Variants in ANXA5 observed in about 807,000 individuals in gnomAD.
ANXA5 encodes the protein annexin A5, also known as CBP-I.
A neutral mutation model predicts 48.1 loss-of-function variants in ANXA5; 40 were observed. The observed-to-expected ratio is 0.83, with a 90% confidence interval of 0.65 to 1.08. The LOEUF (loss-of-function observed/expected upper bound fraction) is 1.08, where lower values mean the gene tolerates loss of function less well. ANXA5 is among the 50% of genes least tolerant of loss of function. The pLI, the probability that ANXA5 is intolerant of heterozygous loss-of-function variation, is 0.00. For missense variants in ANXA5, 357 were observed against 376.8 expected (o/e 0.95, Z 0.44); for synonymous variants, 113 against 129.1 (o/e 0.88, Z 0.85).
chr4:121,686,350 T>C lies in ANXA5; in HGVS notation c.32A>G (p.Asp11Gly), dbSNP rs1724889914. The C allele has an allele frequency of 6.2e-7, 1 of 1,613,948 alleles. No homozygotes were observed. The highest frequency in any genetic ancestry group is 1.7e-5 in the Admixed American group (1 of 59,986). Residue 11 changes from aspartate (D) to glycine (G), a missense_variant, in exon 3 of 13, where the codon GAC becomes GGC. Asp to Gly is a moderately conservative substitution (Grantham distance 94, BLOSUM62 -1). Coordinates refer to ENST00000296511, the MANE Select transcript of ANXA5 (RefSeq NM_001154.4). ...AGCCCGCTCATCAAATCCAGGGAAG[T>C]CAGTCACAGTGCCTCTGAGAACCTA... MAQVLRGTVT[D>G]FPGFDERADA...
chr4:121,687,915 A>G (rs1281089963), intron 2 of ANXA5, among the ~76,000 whole-genome samples: 1 of 152,140 alleles, frequency 6.6e-6, no homozygotes, highest in Non-Finnish European at 1.5e-5. Context: ...GGATACCCCT[A>G]CTTTTGGTAT....
chr4:121,682,798 T>G (rs918472906), intron 5 of ANXA5, among the ~76,000 whole-genome samples: 2 of 152,146 alleles, frequency 1.3e-5, no homozygotes, highest in African/African-American at 2.4e-5. Flanking sequence ...AACAAATGTG[T>G]CAATGCCTTC....
At chr4:121,671,299 C>T (rs995333734) in intron 10 of ANXA5, among the ~76,000 whole-genome samples, 1 of 152,130 alleles carries the variant, frequency 6.6e-6, no homozygotes, top group Non-Finnish European at 1.5e-5. Flanking sequence ...ATTTTTAATG[C>T]AGCTTCAAAA....
intron 8 of ANXA5, among the ~76,000 whole-genome samples, chr4:121,674,971 G>T (rs60379064): frequency 8.5e-5 from 13 of 152,140 alleles, no homozygotes; most frequent in Non-Finnish European, 1.9e-4. Context: ...CAGCCTCAGT[G>T]TATATAGTCA....
chr4:121,672,695 GT>G, intron 8 of ANXA5, 69 bp from the exon 9 acceptor site: 1 of 1,103,250 alleles, frequency 9.1e-7, no homozygotes, highest in Non-Finnish European at 1.4e-6. Flanking sequence ...AAACACACTT[GT>G]TTTTTACTCC....
Position 121,669,154 on chromosome 4 carries a change from G to T in ANXA5, c.903+448C>A, listed in dbSNP as rs549562919. ...ACAAAAATGATACTAATACCTAGGG[G>T]CTCTTTACTCCCAATATGACCTGGT... On this transcript the variant is annotated intron_variant, in intron 12 of 12. Transcript: ENST00000296511. 1.7e-4 allele frequency among the ~76,000 whole-genome samples: 26 copies of T among 152,098 alleles called. No homozygotes were observed. In the South Asian group the frequency reaches 2.9e-3, roughly 17 times the overall value.
intron 2 of ANXA5, among the ~76,000 whole-genome samples, chr4:121,693,160 GGAAGCA>G (rs1339555540): frequency 2.0e-5 from 3 of 152,010 alleles, no homozygotes; most frequent in Non-Finnish European, 2.9e-5. Context: ...GTTGAACCCA[GGAAGCA>G]GAGGTTGCAG....
At position 121,696,679 on chromosome 4, in the gene ANXA5, C is replaced by T. The variant is rs1040976316; in HGVS notation, c.-35-55G>A. On this transcript the variant is annotated intron_variant, in intron 1 of 12. Coordinates refer to ENST00000296511, the MANE Select transcript of ANXA5 (RefSeq NM_001154.4). The stretch of plus-strand genomic sequence containing the variant: ...CGCGCCATTTGCAACTCGTGCCCTC[C>T]CCAAGCGCAGGTCCGCGGGGACCCG... 15 of 1,213,342 alleles carry T rather than the reference C, an allele frequency of 1.2e-5. No homozygotes were observed. In the South Asian group the frequency reaches 4.2e-4, roughly 34 times the overall value. 75.2% of individuals were successfully genotyped at this position (1,213,342 alleles called of 1,614,324 possible).
intron 2 of ANXA5, among the ~76,000 whole-genome samples, chr4:121,688,815 T>C (rs1724935000): frequency 6.6e-6 from 1 of 152,128 alleles, no homozygotes; most frequent in South Asian, 2.1e-4. Context: ...TGGCAGCAGC[T>C]TTCACTCCCT....
chr4:121,669,589 A>G lies in ANXA5; in HGVS notation c.903+13T>C. ...TGGATTCCCAAACGTAATTTAAAGAAAGGTTCTACTACCTTAATCATGGAA... is the reference window on the plus strand; with the variant it reads ...TGGATTCCCAAACGTAATTTAAAGAGAGGTTCTACTACCTTAATCATGGAA... On this transcript the variant is annotated intron_variant, in intron 12 of 12. Transcript: ENST00000296511. The G allele has an allele frequency of 6.2e-7, 1 of 1,613,174 alleles. No individual in the cohort carries two copies. Among genetic ancestry groups the G allele is most frequent in the Non-Finnish European group, 8.5e-7 (1 of 1,179,528 alleles).
In ANXA5 at chr4:121,684,602, A is replaced by G. The variant is rs894472681; in HGVS notation, c.189+75T>C. 5 of 1,208,622 alleles carry G rather than the reference A, an allele frequency of 4.1e-6. No individual in the cohort carries two copies. In the African/African-American group the frequency reaches 7.6e-5, roughly 18 times the overall value. The allele number at this position is 1,208,622 out of a possible 1,614,324, so 74.9% of individuals were successfully genotyped here. ...AAATAAATGATGCTTACAAAAGAAT[A>G]TCAGTATATTCCAAACTAGTCTTAT... is the stretch of plus-strand genomic sequence containing the variant. On this transcript the variant is annotated intron_variant, in intron 4 of 12. Coordinates refer to ENST00000296511, the MANE Select transcript of ANXA5 (RefSeq NM_001154.4).
At chr4:121,677,857 C>G (rs1386381289) in intron 8 of ANXA5, 37 bp downstream of exon 8, 10 of 1,532,692 alleles carry the variant, frequency 6.5e-6, no homozygotes, top group Non-Finnish European at 9.0e-6. Flanking sequence ...TTCATTTCTA[C>G]AGCATAATAA....
At position 121,681,771 on chromosome 4, in the gene ANXA5, G is replaced by T. The variant is rs754024993; in HGVS notation, c.304-10C>A. 5 of 1,584,248 alleles carry T rather than the reference G, an allele frequency of 3.2e-6. No homozygotes were observed. The Admixed American group carries it at 6.7e-5, about 21-fold the overall frequency. On this transcript the variant is annotated splice_polypyrimidine_tract_variant and intron_variant, in intron 5 of 12. Coordinates refer to ENST00000296511, the MANE Select transcript of ANXA5 (RefSeq NM_001154.4). ...CATTTGTTCCAGCTCCCTGTTTGGA[G>T]ATTTTAATAGAGAAAACATGTCAAT...
intron 8 of ANXA5, among the ~76,000 whole-genome samples, chr4:121,676,045 T>TA (rs1446247944): frequency 6.6e-6 from 1 of 152,174 alleles, no homozygotes; most frequent in East Asian, 1.9e-4. Flanking sequence ...GTTGGTTTCT[T>TA]ACACTGTGAC....
intron 2 of ANXA5, among the ~76,000 whole-genome samples, chr4:121,693,255 A>C (rs1004249566): frequency 1.3e-5 from 2 of 151,798 alleles, no homozygotes; most frequent in Non-Finnish European, 2.9e-5. Flanking sequence ...AAAAAAACCC[A>C]AAAAACTAGT....
intron 6 of ANXA5, 119 bp from the exon 7 acceptor site, chr4:121,678,613 A>C: frequency 1.2e-6 from 1 of 809,620 alleles, no homozygotes; most frequent in Non-Finnish European, 1.9e-6. Flanking sequence ...GTTAACATAA[A>C]TTCCCTCTAT....
In ANXA5 at chr4:121,688,772, G is replaced by T. The variant is rs986627547; in HGVS notation, c.10-2400C>A. On this transcript the variant is annotated intron_variant, in intron 2 of 12. Coordinates refer to ENST00000296511, the MANE Select transcript of ANXA5 (RefSeq NM_001154.4). ...AGAGAAAAAGAGGTGTTTCCAGGTTGATGTCCCAGCCCCAGGTTGTTGAAA... is the reference window on the plus strand; with the variant it reads ...AGAGAAAAAGAGGTGTTTCCAGGTTTATGTCCCAGCCCCAGGTTGTTGAAA... 3.9e-5 allele frequency among the ~76,000 whole-genome samples: 6 copies of T among 152,298 alleles called. No homozygotes were observed. In the East Asian group the frequency reaches 1.2e-3, roughly 29 times the overall value.
chr4:121,674,073 C>T (rs1442541954), intron 8 of ANXA5, among the ~76,000 whole-genome samples: 1 of 149,836 alleles, frequency 6.7e-6, no homozygotes, highest in African/African-American at 2.5e-5. Context: ...CCCAGCTACC[C>T]GGGAGGCTGT....
At chr4:121,672,478 A>AT (rs3214942) in intron 9 of ANXA5, 55 bp downstream of exon 9, 27,992 of 1,257,474 alleles carry the variant, frequency 0.022, 366 homozygotes, top group East Asian at 0.039. Flanking sequence ...ACACTGGCTC[A>AT]TGCACTTTCC....
Sources: gnomAD v4.1 joint callset for allele counts (sites outside exome capture counted in the v4.1 genomes callset) on GRCh38, gnomAD v4.1.1 for gene constraint, MANE v1.5 for transcripts, NCBI Gene and HGNC (gene_info 2026-07-23, HGNC 2026-07-21) for gene names.